The following CTNNA2 variants were observed in gnomAD, a reference collection of about 807,000 sequenced individuals.
CTNNA2 encodes the protein catenin alpha-2.
Under a neutral mutation model 101.0 loss-of-function variants are expected in CTNNA2, and 42 were observed. The observed-to-expected ratio is 0.42, with a 90% CI of 0.32 to 0.54. CTNNA2 has a LOEUF of 0.54. CTNNA2 is among the 20% of genes least tolerant of loss of function. The probability of loss-of-function intolerance (pLI) is 0.14; values close to 1 mark genes in which losing one functional copy is unlikely to be tolerated. For missense variants in CTNNA2, 871 were observed against 1,223.1 expected, an observed-to-expected ratio of 0.71 and a Z score of 4.29; for synonymous variants, 450 against 456.4, an observed-to-expected ratio of 0.99 and a Z score of 0.18.
chr2:80,307,033 AAAAT>A (rs1677092282), intron 7 of CTNNA2, among the ~76,000 whole-genome samples: 1 of 148,746 alleles, frequency 6.7e-6, no homozygotes, highest in African/African-American at 2.4e-5. Flanking sequence ...GGCTGTAATT[AAAAT>A]AAATAAATTA....
intron 9 of CTNNA2, among the ~76,000 whole-genome samples, chr2:80,536,611 G>T (rs1440173014): frequency 6.6e-6 from 1 of 152,160 alleles, no homozygotes; most frequent in Non-Finnish European, 1.5e-5. Context: ...GATTTCCGAG[G>T]CCAGAAAAAG....
chr2:79,258,809 T>TGGA (rs1410112795), intron 2 of CTNNA2, among the ~76,000 whole-genome samples: 1 of 128,160 alleles, frequency 7.8e-6, no homozygotes, highest in East Asian at 2.3e-4. Flanking sequence ...GAGGAGGGTC[T>TGGA]GGAGGACTCC....
Position 80,205,060 on chromosome 2 carries a change from G to A in CTNNA2, c.1057-188151G>A, listed in dbSNP as rs1324837181. Among the ~76,000 whole-genome samples, 4 of 152,150 alleles carry A rather than the reference G, an allele frequency of 2.6e-5. No individual in the cohort carries two copies. The East Asian group carries it at 5.8e-4, about 22-fold the overall frequency. ...CCATAATTCAATCATCTCCCACCAG[G>A]TCCCTCCCATAACACATGTGAATTA... is the stretch of plus-strand genomic sequence containing the variant. On this transcript the variant is annotated intron_variant, in intron 7 of 18. Coordinates refer to ENST00000402739, the MANE Select transcript of CTNNA2 (RefSeq NM_001282597.3).
rs183873201 is a variant in CTNNA2, at chr2:80,179,533, C to T, written c.1057-213678C>T. 1.7e-3 allele frequency among the ~76,000 whole-genome samples: 263 copies of T among 152,196 alleles called. 1 individual carries two copies. Among genetic ancestry groups the T allele is most frequent in the Non-Finnish European group, 2.6e-3 (180 of 68,010 alleles). Reference sequence around the variant, plus strand: ...GGACTACAGGCACCCGCCACCACACCGGGCTAATTTTTTGTATTTTTAGTA... The same window carrying T: ...GGACTACAGGCACCCGCCACCACACTGGGCTAATTTTTTGTATTTTTAGTA... On this transcript the variant is annotated intron_variant, in intron 7 of 18. Coordinates refer to ENST00000402739, the MANE Select transcript of CTNNA2 (RefSeq NM_001282597.3).
chr2:79,440,036 GCCT>G (rs1301526190), intron 4 of CTNNA2, among the ~76,000 whole-genome samples: 2 of 152,002 alleles, frequency 1.3e-5, no homozygotes, highest in Non-Finnish European at 2.9e-5. Context: ...AAAGAAGTAA[GCCT>G]CATAGCTGAA....
intron 3 of CTNNA2, among the ~76,000 whole-genome samples, chr2:79,845,935 GC>G (rs1680200859): frequency 6.6e-6 from 1 of 152,126 alleles, no homozygotes; most frequent in South Asian, 2.1e-4. Context: ...TAGTAAAGAG[GC>G]CTTGTGGCTA....
At chr2:80,209,598 C>A (rs990613013) in intron 7 of CTNNA2, among the ~76,000 whole-genome samples, 4 of 151,676 alleles carry the variant, frequency 2.6e-5, no homozygotes, top group Non-Finnish European at 4.4e-5. Context: ...TTCTCATACA[C>A]ACAGACACAC....
chr2:80,126,713 C>T (rs1702155577), intron 7 of CTNNA2, among the ~76,000 whole-genome samples: 1 of 150,188 alleles, frequency 6.7e-6, no homozygotes, highest in African/African-American at 2.4e-5. Flanking sequence ...CCCAGCTTCC[C>T]TTGTCTACCA....
intron 12 of CTNNA2, among the ~76,000 whole-genome samples, chr2:80,572,496 C>T (rs1694686418): frequency 6.6e-6 from 1 of 152,078 alleles, no homozygotes; most frequent in Non-Finnish European, 1.5e-5. Flanking sequence ...ATACTTATGG[C>T]AACGTAGACA....
At chr2:79,439,279 C>T (rs572154980) in intron 4 of CTNNA2, among the ~76,000 whole-genome samples, 1 of 152,100 alleles carries the variant, frequency 6.6e-6, no homozygotes, top group East Asian at 1.9e-4. Flanking sequence ...CATGGGTAAA[C>T]CTTTTAAACA....
At chr2:80,252,979 AAGGCCAGG>A (rs1330954506) in intron 7 of CTNNA2, among the ~76,000 whole-genome samples, 2 of 152,134 alleles carry the variant, frequency 1.3e-5, no homozygotes, top group Non-Finnish European at 2.9e-5. Flanking sequence ...GCTCTAAAGT[AAGGCCAGG>A]AAGCAGTAGT....
intron 3 of CTNNA2, among the ~76,000 whole-genome samples, chr2:79,321,874 T>A (rs142411004): frequency 6.6e-6 from 1 of 152,150 alleles, no homozygotes; most frequent in Non-Finnish European, 1.5e-5. Flanking sequence ...AGTACATGCA[T>A]GGGAAATCCT....
intron 7 of CTNNA2, among the ~76,000 whole-genome samples, chr2:80,019,684 T>C (rs1558734016): frequency 6.6e-6 from 1 of 152,208 alleles, no homozygotes; most frequent in Non-Finnish European, 1.5e-5. Flanking sequence ...CTGATGACAG[T>C]TGGACATCTC....
intron 4 of CTNNA2, among the ~76,000 whole-genome samples, chr2:79,864,563 A>G (rs1028389509): frequency 2.0e-5 from 3 of 152,242 alleles, no homozygotes; most frequent in African/African-American, 7.2e-5. Flanking sequence ...AGAGGAACAC[A>G]TAAAGAGACT....
rs12987507 is a variant in CTNNA2 at position 80,208,184 on chromosome 2, C to T, written c.1057-185027C>T. ...CCTCTACAAATGCACACAGGTCAAT[C>T]AATCCACTCCATTCTCAGCCAAGAT... On this transcript the variant is annotated intron_variant, in intron 7 of 18. Coordinates refer to ENST00000402739, the MANE Select transcript of CTNNA2 (RefSeq NM_001282597.3). 9.2e-3 allele frequency among the ~76,000 whole-genome samples: 1,397 copies of T among 152,318 alleles called. 5 individuals are homozygous for T. The highest frequency in any genetic ancestry group is 0.018 in the Admixed American group (269 of 15,300).
At chr2:79,439,808 C>T (rs2104517277) in intron 4 of CTNNA2, among the ~76,000 whole-genome samples, 1 of 152,176 alleles carries the variant, frequency 6.6e-6, no homozygotes, top group African/African-American at 2.4e-5. Flanking sequence ...CCTACTAAAT[C>T]CAAAATTCTG....
chr2:80,528,303 TCTC>T (rs1379735966), intron 9 of CTNNA2, among the ~76,000 whole-genome samples: 3 of 152,102 alleles, frequency 2.0e-5, no homozygotes, highest in African/African-American at 7.2e-5. Flanking sequence ...TTCAAGCAAT[TCTC>T]CTGCCTCAGC....
intron 7 of CTNNA2, among the ~76,000 whole-genome samples, chr2:79,984,984 A>G (rs1425765547): frequency 6.6e-6 from 1 of 152,200 alleles, no homozygotes; most frequent in Non-Finnish European, 1.5e-5. Flanking sequence ...CATATTGTCT[A>G]TGGCTGCTCT....
chr2:79,308,729 C>A (rs925234445), intron 2 of CTNNA2, among the ~76,000 whole-genome samples: 1 of 149,902 alleles, frequency 6.7e-6, no homozygotes, highest in Non-Finnish European at 1.5e-5. Flanking sequence ...TATGGATAAC[C>A]AGTTACCACC....
Sources: gnomAD v4.1 joint callset for allele counts (sites outside exome capture counted in the v4.1 genomes callset) on GRCh38, gnomAD v4.1.1 for gene constraint, MANE v1.5 for transcripts, NCBI Gene and HGNC (gene_info 2026-07-23, HGNC 2026-07-21) for gene names.